The following VWA8 variants were observed in gnomAD, a reference collection of about 807,000 sequenced individuals.
VWA8 encodes von Willebrand factor A domain containing 8, also known as von Willebrand factor A domain-containing protein 8.
A neutral mutation model predicts 241.5 loss-of-function variants in VWA8; 221 were observed. That is an observed-to-expected ratio of 0.91 (90% CI 0.82 to 1.02). VWA8 has a LOEUF of 1.02. Ranked by LOEUF, VWA8 falls within the 50% of genes least tolerant of loss-of-function variation. VWA8 has a pLI of 0.00. For missense variants in VWA8, 2,322 were observed against 2,328.7 expected (o/e 1.00, Z 0.06); for synonymous variants, 852 against 827.1 (o/e 1.03, Z -0.52).
chr13:41,799,924 A>C (rs1337249496), intron 17 of VWA8, among the ~76,000 whole-genome samples: 1 of 152,128 alleles, frequency 6.6e-6, no homozygotes, highest in Non-Finnish European at 1.5e-5. Context: ...ACCCACTAGC[A>C]GTCACCCTCC....
intron 18 of VWA8, among the ~76,000 whole-genome samples, chr13:41,785,310 G>T (rs781425332): frequency 1.3e-5 from 2 of 152,094 alleles, no homozygotes; most frequent in South Asian, 2.1e-4. Context: ...CAGCTAATAT[G>T]AGTAGAGCTT....
intron 17 of VWA8, among the ~76,000 whole-genome samples, chr13:41,804,205 G>A (rs1234781251): frequency 6.6e-6 from 1 of 152,054 alleles, no homozygotes; most frequent in East Asian, 1.9e-4. Context: ...TAGAACACCA[G>A]GCAAATTTAA....
intron 14 of VWA8, among the ~76,000 whole-genome samples, chr13:41,830,112 G>A (rs4941410): frequency 0.72 from 108,357 of 150,892 alleles, 39,862 homozygotes; most frequent in East Asian, 0.87. Context: ...GTGTAGTGGC[G>A]GGCGCCTGTG....
chr13:41,578,918 C>T (rs1467611827), intron 42 of VWA8, among the ~76,000 whole-genome samples: 2 of 152,116 alleles, frequency 1.3e-5, no homozygotes, highest in Admixed American at 6.5e-5. Context: ...TTTAAATGCC[C>T]TTTTGCTATA....
chr13:41,836,523 T>A (rs77275202), intron 12 of VWA8, among the ~76,000 whole-genome samples: 5 of 152,300 alleles, frequency 3.3e-5, no homozygotes, highest in East Asian at 3.9e-4. Flanking sequence ...ATTTTTTTTT[T>A]AATTTCAATA....
At chr13:41,731,002 T>TA (rs1337483537) in intron 22 of VWA8, among the ~76,000 whole-genome samples, 5 of 148,410 alleles carry the variant, frequency 3.4e-5, no homozygotes, top group Non-Finnish European at 7.5e-5. Context: ...CCCTAAAACT[T>TA]AAAGTATAAT....
At chr13:41,643,998 T>A (rs752603583) in intron 37 of VWA8, among the ~76,000 whole-genome samples, 38 of 152,036 alleles carry the variant, frequency 2.5e-4, no homozygotes, top group Non-Finnish European at 4.7e-4. Context: ...AAGGAGTGAA[T>A]CTATTATCTC....
chr13:41,692,763 C>A, intron 30 of VWA8, 99 bp downstream of exon 30: 1 of 850,008 alleles, frequency 1.2e-6, no homozygotes, highest in Non-Finnish European at 1.9e-6. Context: ...TGCATTACAA[C>A]AAAAAAGGCA....
chr13:41,604,618 G>C (rs559595903), intron 40 of VWA8, among the ~76,000 whole-genome samples: 139 of 152,208 alleles, frequency 9.1e-4, no homozygotes, highest in Non-Finnish European at 1.5e-3. Context: ...ATACTTCATG[G>C]AAAAGAAACA....
intron 37 of VWA8, among the ~76,000 whole-genome samples, chr13:41,621,884 C>T (rs1052637789): frequency 3.3e-5 from 5 of 152,106 alleles, no homozygotes; most frequent in African/African-American, 1.2e-4. Context: ...GTGTGTCTTG[C>T]CAGGCCGTCT....
intron 12 of VWA8, among the ~76,000 whole-genome samples, chr13:41,851,248 C>T (rs1872521909): frequency 6.6e-6 from 1 of 152,164 alleles, no homozygotes; most frequent in South Asian, 2.1e-4. Flanking sequence ...CACCTAAGGA[C>T]TCCAGCAGCA....
chr13:41,745,508 C>T (rs2045598785), intron 21 of VWA8, among the ~76,000 whole-genome samples: 1 of 152,014 alleles, frequency 6.6e-6, no homozygotes, highest in Non-Finnish European at 1.5e-5. Context: ...AACAAATTTA[C>T]AAGAAAAAAT....
chr13:41,909,758 A>C (rs889404721), intron 3 of VWA8, among the ~76,000 whole-genome samples: 1 of 152,316 alleles, frequency 6.6e-6, no homozygotes, highest in South Asian at 2.1e-4. Context: ...CTGATTCACG[A>C]AAGAGGCATG....
intron 40 of VWA8, among the ~76,000 whole-genome samples, chr13:41,600,896 C>G (rs1171792698): frequency 1.3e-5 from 2 of 152,088 alleles, no homozygotes; most frequent in Admixed American, 1.3e-4. Context: ...TACGCTGGCT[C>G]AGGTGCCTAT....
In VWA8 at chr13:41,636,196, C is replaced by T. The variant is rs894831438; in HGVS notation, c.4612-21112G>A. On this transcript the variant is annotated intron_variant, in intron 37 of 44. Transcript: ENST00000379310. ...CCTGACTTCAAACTACACTACAAGG[C>T]TACAGTAACCAAAAACTGCTACCAA... Among the ~76,000 whole-genome samples the T allele has an allele frequency of 5.9e-5, 9 of 152,228 alleles. 2 individuals are homozygous for T. Among genetic ancestry groups the T allele is most frequent in the East Asian group, 1.9e-4 (1 of 5,176 alleles).
At chr13:41,801,402 T>C (rs1289938238) in intron 17 of VWA8, among the ~76,000 whole-genome samples, 1 of 152,118 alleles carries the variant, frequency 6.6e-6, no homozygotes, top group Non-Finnish European at 1.5e-5. Context: ...CAAGAAAAAC[T>C]GTCCACTAAA....
At chr13:41,872,103 T>A (rs1395673936) in intron 9 of VWA8, among the ~76,000 whole-genome samples, 3 of 152,232 alleles carry the variant, frequency 2.0e-5, no homozygotes, top group African/African-American at 7.2e-5. Context: ...ATAAATGTCT[T>A]CTTTTGAGAA....
At chr13:41,681,545 T>C (rs1368958129) in intron 35 of VWA8, among the ~76,000 whole-genome samples, 1 of 152,194 alleles carries the variant, frequency 6.6e-6, no homozygotes, top group East Asian at 1.9e-4. Flanking sequence ...TGAACTCACA[T>C]TCAGAATAGA....
intron 39 of VWA8, 131 bp from the exon 40 acceptor site, chr13:41,605,407 A>G: frequency 1.3e-6 from 1 of 794,546 alleles, no homozygotes. Flanking sequence ...AGAAAAGGCA[A>G]GAAGTGATGT....
Sources: allele counts gnomAD v4.1 joint callset (sites outside exome capture counted in the v4.1 genomes callset), GRCh38; gene constraint gnomAD v4.1.1; transcripts MANE v1.5; gene names NCBI Gene and HGNC (gene_info 2026-07-23, HGNC 2026-07-21).